The following TMEM38B variants were observed in gnomAD, a reference collection of about 807,000 sequenced individuals.
TMEM38B encodes trimeric intracellular cation channel type B.
Under a neutral mutation model 28.7 loss-of-function variants are expected in TMEM38B, and 24 were observed. The observed-to-expected ratio is 0.84, with a 90% CI of 0.61 to 1.18. The LOEUF (loss-of-function observed/expected upper bound fraction) is 1.18. Ranked by LOEUF, TMEM38B falls within the 50% of genes most tolerant of loss-of-function variation. The probability of loss-of-function intolerance (pLI) is 0.00; values close to 1 mark genes in which losing one functional copy is unlikely to be tolerated. For synonymous variants in TMEM38B, 131 were observed against 127.7 expected, an observed-to-expected ratio of 1.03 and a Z score of -0.17; for missense variants, 380 against 350.9, an observed-to-expected ratio of 1.08 and a Z score of -0.66.
chr9:105,729,766 G>A (rs534686310), intron 4 of TMEM38B, among the ~76,000 whole-genome samples: 15 of 152,162 alleles, frequency 9.9e-5, no homozygotes, highest in African/African-American at 2.9e-4. Context: ...TTGAGCAGTG[G>A]TTTGTAGTTC....
intron 5 of TMEM38B, among the ~76,000 whole-genome samples, chr9:105,773,228 T>G (rs1826615308): frequency 6.6e-6 from 1 of 152,216 alleles, no homozygotes; most frequent in Admixed American, 6.6e-5. Flanking sequence ...AGGAGCACTC[T>G]CTACCCCTTG....
chr9:105,726,961 T>C (rs10114738), intron 4 of TMEM38B, among the ~76,000 whole-genome samples: 31,960 of 151,988 alleles, frequency 0.21, 5,220 homozygotes, highest in East Asian at 0.47. Context: ...TTATTATTTT[T>C]ACTGGTTGTA....
chr9:105,748,780 T>C (rs1016596041), intron 5 of TMEM38B, among the ~76,000 whole-genome samples: 1 of 152,210 alleles, frequency 6.6e-6, no homozygotes, highest in African/African-American at 2.4e-5. Context: ...GATGCATGTC[T>C]TTCTGTCACT....
intron 2 of TMEM38B, chr9:105,710,719 G>A (rs999220916): frequency 3.1e-4 from 198 of 633,410 alleles, no homozygotes; most frequent in Non-Finnish European, 5.1e-4. Context: ...TTCAGACCTG[G>A]TGTCGTTGGC....
At chr9:105,752,728 TG>T (rs1564411581) in intron 5 of TMEM38B, among the ~76,000 whole-genome samples, 1 of 152,066 alleles carries the variant, frequency 6.6e-6, no homozygotes, top group African/African-American at 2.4e-5. Context: ...AATGCAAAAA[TG>T]GTGAAAACTC....
At position 105,775,385 on chromosome 9, in the gene TMEM38B, C is replaced by T. The variant is rs1373589714; in HGVS notation, c.*1305C>T. 4 of 152,110 alleles carry T rather than the reference C, an allele frequency of 2.6e-5. No individual in the cohort carries two copies. Among genetic ancestry groups the T allele is most frequent in the Non-Finnish European group, 4.4e-5 (3 of 67,986 alleles). 9.4% of individuals were successfully genotyped at this position (152,110 alleles called of 1,614,324 possible). ...TAGAAGTCCAGTTATAATATTAAAA[C>T]TCTGTGACATAGTTTCTTTTACCAA... On this transcript the variant is annotated 3_prime_UTR_variant, in exon 6 of 6. Coordinates refer to ENST00000374692, the MANE Select transcript of TMEM38B (RefSeq NM_018112.3).
At chr9:105,733,895 A>T (rs72658706) in intron 4 of TMEM38B, among the ~76,000 whole-genome samples, 7,146 of 151,718 alleles carry the variant, frequency 0.047, 372 homozygotes, top group African/African-American at 0.13. Context: ...TTTCGTTTAG[A>T]TTTTCAAAAA....
intron 5 of TMEM38B, among the ~76,000 whole-genome samples, chr9:105,755,863 T>C (rs1241298374): frequency 1.3e-5 from 2 of 152,210 alleles, no homozygotes; most frequent in Non-Finnish European, 2.9e-5. Context: ...AGAAATACAA[T>C]TGATATTTGT....
At chr9:105,724,343 T>G (rs1248598790) in intron 4 of TMEM38B, among the ~76,000 whole-genome samples, 1 of 151,928 alleles carries the variant, frequency 6.6e-6, no homozygotes, top group Non-Finnish European at 1.5e-5. Context: ...GGATTGAAAA[T>G]GAAGGTTGAG....
chr9:105,760,084 C>T (rs1227539356), intron 5 of TMEM38B: 2 of 992,176 alleles, frequency 2.0e-6, no homozygotes, highest in Admixed American at 1.8e-5. Flanking sequence ...ACGAAGTTTG[C>T]TGCAACCTCA....
chr9:105,739,660 G>C (rs1332483093), intron 4 of TMEM38B, among the ~76,000 whole-genome samples: 1 of 151,990 alleles, frequency 6.6e-6, no homozygotes, highest in Non-Finnish European at 1.5e-5. Flanking sequence ...AAGTAGCTGG[G>C]ATTACAGGCA....
intron 5 of TMEM38B, chr9:105,760,448 G>A: frequency 4.1e-6 from 3 of 740,390 alleles, no homozygotes; most frequent in South Asian, 3.0e-5. Flanking sequence ...CCTGGAGATG[G>A]ACTATTTGTT....
chr9:105,757,501 A>T lies in TMEM38B; in HGVS notation c.660+9311A>T, dbSNP rs1837873888. Reference sequence around the variant, plus strand: ...AATCTCCATACTGTTTTCCATAGTGATTGTACTAGTTTATATTCCCACCAG... The same window carrying T: ...AATCTCCATACTGTTTTCCATAGTGTTTGTACTAGTTTATATTCCCACCAG... On this transcript the variant is annotated intron_variant, in intron 5 of 5. Transcript: ENST00000374692. Among the ~76,000 whole-genome samples the T allele has an allele frequency of 2.0e-5, 3 of 152,300 alleles. No homozygotes were observed. In the South Asian group the frequency reaches 6.2e-4, roughly 32 times the overall value.
At chr9:105,702,911 C>A (rs1835509018) in intron 1 of TMEM38B, 1 of 152,098 alleles carries the variant, frequency 6.6e-6, no homozygotes, top group African/African-American at 2.4e-5. Context: ...ACCTCCTGGA[C>A]TCAAGCAATC....
intron 4 of TMEM38B, among the ~76,000 whole-genome samples, chr9:105,724,671 T>C (rs1043598003): frequency 1.3e-5 from 2 of 151,678 alleles, no homozygotes; most frequent in African/African-American, 2.4e-5. Context: ...AGTGATGAAG[T>C]ACATTTGTGT....
At chr9:105,716,891 TA>T (rs1185605785) in intron 2 of TMEM38B, among the ~76,000 whole-genome samples, 4 of 152,172 alleles carry the variant, frequency 2.6e-5, no homozygotes, top group African/African-American at 7.2e-5. Flanking sequence ...ACATATGACA[TA>T]AAAAAATCTG....
At chr9:105,719,091 A>G (rs1047517958) in intron 2 of TMEM38B, among the ~76,000 whole-genome samples, 12 of 152,224 alleles carry the variant, frequency 7.9e-5, no homozygotes, top group Non-Finnish European at 1.2e-4. Context: ...AGAGTTCTCA[A>G]TGACTAAGCC....
chr9:105,765,963 G>A (rs1349414971), intron 5 of TMEM38B, among the ~76,000 whole-genome samples: 1 of 151,902 alleles, frequency 6.6e-6, no homozygotes, highest in Admixed American at 6.6e-5. Context: ...CACCACGCCT[G>A]GCTAATTTTT....
chr9:105,741,788 T>C (rs939824911), intron 4 of TMEM38B, among the ~76,000 whole-genome samples: 4 of 152,122 alleles, frequency 2.6e-5, no homozygotes, highest in Non-Finnish European at 5.9e-5. Flanking sequence ...ATAAAACCCC[T>C]CAAAACCAGG....
Sources: gnomAD v4.1 joint callset for allele counts (sites outside exome capture counted in the v4.1 genomes callset) on GRCh38, gnomAD v4.1.1 for gene constraint, MANE v1.5 for transcripts, NCBI Gene and HGNC (gene_info 2026-07-23, HGNC 2026-07-21) for gene names.